LRP1B: variants seen among roughly 807,000 people sequenced by gnomAD.
The protein encoded by LRP1B is LDL receptor related protein 1B.
LRP1B carries 217 observed loss-of-function variants against 556.6 expected under a neutral mutation model. The ratio of observed to expected loss-of-function variants is 0.39; its 90% CI spans 0.35 to 0.44. LRP1B has a LOEUF of 0.44. Among genes scored for constraint, LRP1B ranks in the 20% least tolerant of loss-of-function variants. The pLI is 1.00. For missense variants in LRP1B, 5,053 were observed against 5,620.8 expected (o/e 0.90, Z 3.23); for synonymous variants, 2,047 against 1,865.8 (o/e 1.10, Z -2.50).
At chr2:140,625,442 T>A (rs974131043) in intron 41 of LRP1B, among the ~76,000 whole-genome samples, 1 of 152,278 alleles carries the variant, frequency 6.6e-6, no homozygotes, top group African/African-American at 2.4e-5. Context: ...AATAGGAAGA[T>A]AAGCCACAAA....
chr2:140,383,733 A>G (rs1683639231), intron 67 of LRP1B, among the ~76,000 whole-genome samples: 1 of 152,200 alleles, frequency 6.6e-6, no homozygotes, highest in Non-Finnish European at 1.5e-5. Context: ...TTACAATTGT[A>G]AAATACTTCA....
At chr2:141,131,663 T>C (rs1469720394) in intron 7 of LRP1B, among the ~76,000 whole-genome samples, 1 of 148,220 alleles carries the variant, frequency 6.7e-6, no homozygotes, top group Non-Finnish European at 1.5e-5. Flanking sequence ...GCTGCTATTC[T>C]GGGAATCCAT....
intron 17 of LRP1B, among the ~76,000 whole-genome samples, chr2:140,986,758 G>A (rs1001577795): frequency 6.6e-6 from 1 of 152,104 alleles, no homozygotes; most frequent in African/African-American, 2.4e-5. Flanking sequence ...AGCTTCTTGA[G>A]GAAAGGCATT....
intron 86 of LRP1B, among the ~76,000 whole-genome samples, chr2:140,258,366 C>T (rs1295430857): frequency 1.3e-5 from 2 of 151,864 alleles, no homozygotes; most frequent in East Asian, 1.9e-4. Flanking sequence ...CCCATGTTTT[C>T]TAAGGTAATT....
intron 66 of LRP1B, among the ~76,000 whole-genome samples, chr2:140,419,354 G>T (rs79708582): frequency 0.15 from 23,033 of 152,144 alleles, 2,330 homozygotes; most frequent in East Asian, 0.46. Context: ...GTTATAGTCA[G>T]ATATTTCAGT....
chr2:141,431,811 A>C (rs1680571634), intron 3 of LRP1B, among the ~76,000 whole-genome samples: 1 of 152,138 alleles, frequency 6.6e-6, no homozygotes, highest in Admixed American at 6.6e-5. Context: ...TTGTATGCTA[A>C]TCTTGGGTCC....
chr2:140,290,667 CT>C (rs1231932985), intron 84 of LRP1B, among the ~76,000 whole-genome samples: 3 of 152,014 alleles, frequency 2.0e-5, no homozygotes, highest in African/African-American at 7.2e-5. Flanking sequence ...TTTAAAAGTA[CT>C]TTGGTCGCTT....
At chr2:140,350,357 G>A (rs927198470) in intron 77 of LRP1B, among the ~76,000 whole-genome samples, 5 of 151,996 alleles carry the variant, frequency 3.3e-5, no homozygotes, top group African/African-American at 1.2e-4. Flanking sequence ...TTACACTATT[G>A]AGTTGATGTC....
intron 47 of LRP1B, among the ~76,000 whole-genome samples, chr2:140,527,619 A>T (rs1212756587): frequency 6.6e-6 from 1 of 151,626 alleles, no homozygotes; most frequent in Admixed American, 6.6e-5. Context: ...ATGATAACAC[A>T]ACATGTGAAA....
intron 7 of LRP1B, among the ~76,000 whole-genome samples, chr2:141,129,193 T>C (rs1701288969): frequency 6.6e-6 from 1 of 152,136 alleles, no homozygotes; most frequent in African/African-American, 2.4e-5. Flanking sequence ...CAGTTTTGAA[T>C]AACTTAAAAT....
At chr2:140,319,152 G>A (rs1172494375) in intron 82 of LRP1B, among the ~76,000 whole-genome samples, 1 of 151,176 alleles carries the variant, frequency 6.6e-6, no homozygotes, top group East Asian at 1.9e-4. Context: ...CAAACAAAGA[G>A]GAAAGGAGGA....
chr2:141,241,760 C>A (rs145330656), intron 5 of LRP1B, among the ~76,000 whole-genome samples: 1 of 151,908 alleles, frequency 6.6e-6, no homozygotes, highest in South Asian at 2.1e-4. Context: ...ATTTCATGCA[C>A]GCATACGTGA....
rs16844957 is a variant in LRP1B at position 140,920,363 on chromosome 2, A to T, written c.3319+2602T>A. Among the ~76,000 whole-genome samples, 407 of 152,162 alleles carry T rather than the reference A, an allele frequency of 2.7e-3. 1 individual carries two copies. Among genetic ancestry groups the T allele is most frequent in the African/African-American group, 9.6e-3 (399 of 41,562 alleles). Reference sequence around the variant, plus strand: ...CTACTGTGCCTACGTTTTGAACACCAATAGATGACAATTTATGTATAAGAA... The same window carrying T: ...CTACTGTGCCTACGTTTTGAACACCTATAGATGACAATTTATGTATAAGAA... On this transcript the variant is annotated intron_variant, in intron 21 of 90. Coordinates refer to ENST00000389484, the MANE Select transcript of LRP1B (RefSeq NM_018557.3).
chr2:140,578,600 C>T (rs921817628), intron 43 of LRP1B, among the ~76,000 whole-genome samples: 7 of 152,168 alleles, frequency 4.6e-5, no homozygotes, highest in African/African-American at 1.7e-4. Context: ...TTTCTTCAAA[C>T]CTCAGTCATC....
intron 1 of LRP1B, among the ~76,000 whole-genome samples, chr2:141,815,841 A>T (rs757809754): frequency 6.6e-6 from 1 of 150,760 alleles, no homozygotes; most frequent in Non-Finnish European, 1.5e-5. Flanking sequence ...TGTAACACTC[A>T]CTATTAAGGT....
Position 141,816,133 on chromosome 2 carries a change from T to TG in LRP1B, c.83-5733dup, listed in dbSNP as rs200747963. ...GAGGGATAGATACAGAATAATTCTT[T>TG]GGGAAAATCTCAGAAGAAAATCCCT... On this transcript the variant is annotated intron_variant, in intron 1 of 90. Transcript: ENST00000389484. Among the ~76,000 whole-genome samples the TG allele has an allele frequency of 4.9e-3, 735 of 150,806 alleles. 6 individuals carry two copies. Among genetic ancestry groups the TG allele is most frequent in the Non-Finnish European group, 8.8e-3 (598 of 68,018 alleles).
At chr2:141,075,173 C>T (rs182419930) in intron 7 of LRP1B, among the ~76,000 whole-genome samples, 70 of 151,782 alleles carry the variant, frequency 4.6e-4, no homozygotes, top group East Asian at 1.4e-3. Flanking sequence ...TGTTGGGTGA[C>T]GGATAGGGAG....
At chr2:141,357,119 G>A (rs1419869232) in intron 3 of LRP1B, among the ~76,000 whole-genome samples, 6 of 151,700 alleles carry the variant, frequency 4.0e-5, no homozygotes, top group African/African-American at 1.5e-4. Flanking sequence ...GCAGTGGTGC[G>A]ATCTTGGCTC....
intron 2 of LRP1B, among the ~76,000 whole-genome samples, chr2:141,488,971 T>TTTTTG (rs748943953): frequency 0.067 from 3,984 of 59,662 alleles, 83 homozygotes; most frequent in Non-Finnish European, 0.15. Context: ...GTTTGTTTTT[T>TTTTTG]TTTGTTTGTT....
Sources: allele counts gnomAD v4.1 joint callset (sites outside exome capture counted in the v4.1 genomes callset), GRCh38; gene constraint gnomAD v4.1.1; transcripts MANE v1.5; gene names NCBI Gene and HGNC (gene_info 2026-07-23, HGNC 2026-07-21).